SOD2: variants seen among roughly 807,000 people sequenced by gnomAD.
SOD2 encodes superoxide dismutase [Mn], mitochondrial.
A neutral mutation model predicts 27.0 loss-of-function variants in SOD2; 11 were observed. That is an observed-to-expected ratio of 0.41 (90% CI 0.26 to 0.67). SOD2 has a LOEUF of 0.67. Among genes scored for constraint, SOD2 ranks in the 30% least tolerant of loss-of-function variants. The pLI is 0.34. For missense variants in SOD2, 250 were observed against 274.5 expected (o/e 0.91, Z 0.63); for synonymous variants, 105 against 103.0 (o/e 1.02, Z -0.12).
exon 1 of SOD2, chr6:159,745,156 A>G (rs1024131760): frequency 2.0e-5 from 3 of 152,230 alleles, no homozygotes; most frequent in African/African-American, 7.2e-5. Flanking sequence ...CTTGGGAGAT[A>G]GAGTGTGAAT....
chr6:159,746,819 A>C (rs1474410980), upstream of SOD2, among the ~76,000 whole-genome samples: 1 of 152,232 alleles, frequency 6.6e-6, no homozygotes, highest in Non-Finnish European at 1.5e-5. Context: ...CTTCCCTAGA[A>C]CATGGAATTT....
chr6:159,672,123 A>C lies in SOD2; in HGVS notation c.*10370T>G, dbSNP rs1022915502. 1 of 152,250 alleles carries C rather than the reference A, an allele frequency of 6.6e-6. No homozygotes were observed. Among genetic ancestry groups the C allele is most frequent in the Admixed American group, 6.5e-5 (1 of 15,284 alleles). The allele number at this position is 152,250 out of a possible 1,614,324, so 9.4% of individuals were successfully genotyped here. A position where few individuals can be genotyped will look rare whatever the true frequency, so the allele number is the denominator to read the frequency against. ...GACCAAATCTACGTCTGATTGGTGT[A>C]CCTGAAAGTGACGGGGAGAATGGAA... On this transcript the variant is annotated 3_prime_UTR_variant, in exon 5 of 5. Transcript: ENST00000538183.
intron 1 of SOD2, among the ~76,000 whole-genome samples, chr6:159,703,674 C>A (rs189278449): frequency 6.6e-6 from 1 of 152,170 alleles, no homozygotes; most frequent in Non-Finnish European, 1.5e-5. Flanking sequence ...CACTTTGAAT[C>A]GCATACACAG....
chr6:159,697,839 A>C (rs1777451445), upstream of SOD2, among the ~76,000 whole-genome samples: 1 of 152,206 alleles, frequency 6.6e-6, no homozygotes, highest in Non-Finnish European at 1.5e-5. Context: ...GTCCCTTCAC[A>C]GTCAGAAATC....
intron 1 of SOD2, chr6:159,755,346 A>G (rs903447663): frequency 1.2e-6 from 2 of 1,614,200 alleles, no homozygotes; most frequent in Admixed American, 1.7e-5. Context: ...TCTCCAGGGA[A>G]TGGTAATAAG....
rs763354983 is a variant in SOD2 at position 159,762,120 on chromosome 6, C to G, written c.-1419G>C. 10 of 1,612,742 alleles carry G rather than the reference C, an allele frequency of 6.2e-6. No individual in the cohort carries two copies. The South Asian group carries it at 1.1e-4, about 18-fold the overall frequency. On this transcript the variant is annotated 5_prime_UTR_variant, in exon 1 of 8. Transcript: ENST00000546087. ...CAGGCTCAGATCCTGTGGTCATCGT[C>G]TCGGCGGCGCGGACCATCATAGGTG... is the stretch of plus-strand genomic sequence containing the variant.
At chr6:159,733,619 C>CAAAA (rs572744439) in intron 1 of SOD2, among the ~76,000 whole-genome samples, 1 of 112,374 alleles carries the variant, frequency 8.9e-6, no homozygotes, top group Non-Finnish European at 1.9e-5. Context: ...GAGACTGTCT[C>CAAAA]AAAAAAAAAA....
intron 1 of SOD2, among the ~76,000 whole-genome samples, chr6:159,744,174 C>T (rs1319525986): frequency 1.3e-5 from 2 of 152,170 alleles, no homozygotes; most frequent in African/African-American, 4.8e-5. Flanking sequence ...CTTGTCCCCT[C>T]TGTGTATAGA....
chr6:159,692,450 T>C, intron 2 of SOD2: 1 of 1,410,432 alleles, frequency 7.1e-7, no homozygotes, highest in Non-Finnish European at 9.3e-7. Context: ...TTCCCTGAGA[T>C]GACAGAAGTG....
upstream of SOD2, chr6:159,749,225 A>T (rs1340309186): frequency 1.0e-6 from 1 of 985,686 alleles, no homozygotes; most frequent in South Asian, 4.7e-5. Flanking sequence ...TCACAACTAG[A>T]TTGTATAAGG....
At chr6:159,748,786 C>T (rs1779711443), upstream of SOD2, 2 of 1,233,682 alleles carry the variant, frequency 1.6e-6, no homozygotes, top group Non-Finnish European at 2.0e-6. This position sits in a 1 kb window ranked among gnomAD's most constrained non-coding sequence, Gnocchi z 5.6. Flanking sequence ...ATGAATTGAA[C>T]ATGTAAAATT....
chr6:159,716,921 G>C (rs1777931039), intron 1 of SOD2, among the ~76,000 whole-genome samples: 1 of 152,180 alleles, frequency 6.6e-6, no homozygotes, highest in African/African-American at 2.4e-5. Context: ...GATTGTGCAA[G>C]AGGAGGAACA....
intron 1 of SOD2, chr6:159,713,685 C>G (rs1045522327): frequency 4.2e-5 from 38 of 909,828 alleles, no homozygotes; most frequent in Non-Finnish European, 6.3e-5. Flanking sequence ...AGTATCAGGA[C>G]TATTCAGACC....
intron 1 of SOD2, chr6:159,738,844 CTT>C (rs1236148521): frequency 5.2e-5 from 23 of 438,636 alleles, no homozygotes; most frequent in African/African-American, 4.4e-4. Context: ...AAAAAAAAAA[CTT>C]TTGTAATAAA....
In SOD2 at chr6:159,671,945, GC is replaced by G. The variant is rs2114745190; in HGVS notation, c.*10547del. ...ATGGCATGAGAACTACGTGACGAAT[GC>G]ACAAGCTTCAGTAGCCAATTCGATC... On this transcript the variant is annotated 3_prime_UTR_variant, in exon 5 of 5. Coordinates refer to ENST00000538183, the MANE Select transcript of SOD2 (RefSeq NM_000636.4). 6.6e-6 allele frequency: 1 copy of G among 152,330 alleles called. No homozygotes were observed. The highest frequency in any genetic ancestry group is 2.1e-4 in the South Asian group (1 of 4,832). 9.4% of individuals were successfully genotyped at this position (152,330 alleles called of 1,614,324 possible).
chr6:159,716,515 C>T (rs1485744466), intron 1 of SOD2, among the ~76,000 whole-genome samples: 1 of 152,136 alleles, frequency 6.6e-6, no homozygotes, highest in African/African-American at 2.4e-5. Flanking sequence ...TCAGAAGCCC[C>T]GAGAGATTTC....
intron 1 of SOD2, among the ~76,000 whole-genome samples, chr6:159,703,676 C>A (rs943373804): frequency 2.1e-4 from 32 of 152,302 alleles, no homozygotes; most frequent in Middle Eastern, 3.4e-3. Context: ...CTTTGAATCG[C>A]ATACACAGCC....
At chr6:159,742,165 T>G in intron 1 of SOD2, 1 of 1,584,238 alleles carries the variant, frequency 6.3e-7, no homozygotes, top group African/African-American at 1.4e-5. Flanking sequence ...GAGTTTTAGC[T>G]TCCTAAAGAC....
chr6:159,727,833 G>A (rs1778296843), upstream of SOD2: 1 of 647,714 alleles, frequency 1.5e-6, no homozygotes, highest in African/African-American at 2.0e-5. Flanking sequence ...TGCGGCACCG[G>A]TCTCTCGTGA....
Sources: allele counts gnomAD v4.1 joint callset (sites outside exome capture counted in the v4.1 genomes callset), GRCh38; gene constraint gnomAD v4.1.1; non-coding constraint Gnocchi (gnomAD v3.1); transcripts MANE v1.5; gene names NCBI Gene and HGNC (gene_info 2026-07-23, HGNC 2026-07-21).